ROBO2: variants seen among roughly 807,000 people sequenced by gnomAD.
The protein encoded by ROBO2 is roundabout guidance receptor 2.
A neutral mutation model predicts 160.8 loss-of-function variants in ROBO2; 53 were observed. The observed-to-expected ratio is 0.33, with a 90% CI of 0.26 to 0.41. ROBO2 has a LOEUF of 0.41. Ranked by LOEUF, ROBO2 falls within the 10% of genes least tolerant of loss-of-function variation. The probability of loss-of-function intolerance (pLI) is 1.00; values close to 1 mark genes in which losing one functional copy is unlikely to be tolerated. For synonymous variants in ROBO2, 664 were observed against 611.7 expected (o/e 1.09, Z -1.26); for missense variants, 1,577 against 1,722.4 (o/e 0.92, Z 1.49).
intron 2 of ROBO2, among the ~76,000 whole-genome samples, chr3:77,171,180 A>G (rs2079596945): frequency 6.6e-6 from 1 of 152,182 alleles, no homozygotes; most frequent in African/African-American, 2.4e-5. Flanking sequence ...CAGTGATGGG[A>G]CATTGCCTGC....
intron 2 of ROBO2, among the ~76,000 whole-genome samples, chr3:76,861,064 C>T (rs1249409178): frequency 1.3e-5 from 2 of 152,156 alleles, no homozygotes; most frequent in Non-Finnish European, 2.9e-5. Context: ...ATCAAGCCCT[C>T]TTCCCTCTGC....
At chr3:77,609,489 T>C (rs2094584799) in intron 21 of ROBO2, among the ~76,000 whole-genome samples, 1 of 152,034 alleles carries the variant, frequency 6.6e-6, no homozygotes, top group South Asian at 2.1e-4. Context: ...AAGCTTTATA[T>C]GCATAAAGTC....
Position 76,693,191 on chromosome 3 carries a change from G to GTA in ROBO2, c.110-404814_110-404813dup, listed in dbSNP as rs1223416562. On this transcript the variant is annotated intron_variant, in intron 2 of 26. Transcript: ENST00000487694. ...TATATATAGTGTATCTATATATAGTGTATATATATAGTGTACATACACATA... is the reference window on the plus strand; with the variant it reads ...TATATATAGTGTATCTATATATAGTGTATATATATATAGTGTACATACACATA... Among the ~76,000 whole-genome samples, 13 of 147,650 alleles carry GTA rather than the reference G, an allele frequency of 8.8e-5. 1 individual carries two copies. The highest frequency in any genetic ancestry group is 6.8e-4 in the Admixed American group (10 of 14,692).
intron 6 of ROBO2, among the ~76,000 whole-genome samples, chr3:77,541,793 A>G (rs998816835): frequency 3.3e-5 from 5 of 152,224 alleles, no homozygotes; most frequent in African/African-American, 9.6e-5. Context: ...TAGACAGAAT[A>G]TAAGTATATA....
At chr3:76,307,833 G>T (rs140700011) in intron 2 of ROBO2, among the ~76,000 whole-genome samples, 26 of 152,072 alleles carry the variant, frequency 1.7e-4, no homozygotes, top group South Asian at 1.7e-3. Context: ...AACCTCTAAA[G>T]CACTTAAAAC....
chr3:75,910,108 A>G (rs545930247), intron 1 of ROBO2, among the ~76,000 whole-genome samples: 1 of 152,334 alleles, frequency 6.6e-6, no homozygotes, highest in East Asian at 1.9e-4. Flanking sequence ...CAGTTAGTAC[A>G]GGGCTGCTCC....
At chr3:76,335,544 T>A (rs769975348) in intron 2 of ROBO2, among the ~76,000 whole-genome samples, 1 of 151,780 alleles carries the variant, frequency 6.6e-6, no homozygotes, top group Non-Finnish European at 1.5e-5. Context: ...TTCATTTTAA[T>A]TATAAAAAAT....
chr3:77,010,815 T>G (rs1041481976), intron 2 of ROBO2, among the ~76,000 whole-genome samples: 9 of 151,080 alleles, frequency 6.0e-5, no homozygotes, highest in African/African-American at 2.2e-4. Flanking sequence ...GTCTTTTTCT[T>G]TCTCTCCTTC....
rs368680389 is a variant in ROBO2 at position 76,156,725 on chromosome 3, T to C, written c.109+219123T>C. On this transcript the variant is annotated intron_variant, in intron 2 of 26. Coordinates refer to the ROBO2 transcript ENST00000487694. The stretch of plus-strand genomic sequence containing the variant: ...GCTCGCGCCTGTAATCCCAGCACTG[T>C]GGGAGGCCAAGGTGGGCGGATCACC... Among the ~76,000 whole-genome samples, 15 of 152,322 alleles carry C rather than the reference T, an allele frequency of 9.8e-5. No homozygotes were observed. In the East Asian group the frequency reaches 2.9e-3, roughly 29 times the overall value.
Position 76,057,409 on chromosome 3 carries a change from C to T in ROBO2, c.109+119807C>T, listed in dbSNP as rs543171886. On this transcript the variant is annotated intron_variant, in intron 2 of 26. Coordinates refer to the ROBO2 transcript ENST00000487694. ...TAGAATCTTCGGAAGGTTAGAAATACTTTAAAGGAGACAAGCATTCTCCTT... is the reference window on the plus strand; with the variant it reads ...TAGAATCTTCGGAAGGTTAGAAATATTTTAAAGGAGACAAGCATTCTCCTT... Among the ~76,000 whole-genome samples, 137 of 152,234 alleles carry T rather than the reference C, an allele frequency of 9.0e-4. No homozygotes were observed. The Middle Eastern group carries it at 0.01, about 11-fold the overall frequency.
At chr3:76,520,868 A>T (rs2107877840) in intron 2 of ROBO2, among the ~76,000 whole-genome samples, 1 of 152,282 alleles carries the variant, frequency 6.6e-6, no homozygotes, top group African/African-American at 2.4e-5. Flanking sequence ...GTCAGGCTTC[A>T]GAATGTAACC....
intron 2 of ROBO2, among the ~76,000 whole-genome samples, chr3:75,942,778 G>C (rs1279403775): frequency 1.3e-5 from 2 of 152,182 alleles, no homozygotes; most frequent in African/African-American, 4.8e-5. Flanking sequence ...AATACCAGTG[G>C]ATTTACTTTA....
At chr3:77,543,357 T>A (rs1176091146) in intron 6 of ROBO2, among the ~76,000 whole-genome samples, 1 of 152,198 alleles carries the variant, frequency 6.6e-6, no homozygotes, top group Non-Finnish European at 1.5e-5. Context: ...CCAGAATGTA[T>A]CATCATTTTT....
intron 1 of ROBO2, among the ~76,000 whole-genome samples, chr3:77,093,762 T>TTCTC (rs556680245): frequency 6.6e-6 from 1 of 151,498 alleles, no homozygotes; most frequent in South Asian, 2.1e-4. Flanking sequence ...TAATCTATCT[T>TTCTC]TCTCTCTCTC....
intron 2 of ROBO2, among the ~76,000 whole-genome samples, chr3:75,961,632 C>T (rs1948913409): frequency 6.6e-6 from 1 of 151,556 alleles, no homozygotes; most frequent in South Asian, 2.1e-4. Flanking sequence ...GAAAAGAGAA[C>T]AGAGCAGATA....
At chr3:76,734,609 G>A (rs1446886216) in intron 2 of ROBO2, among the ~76,000 whole-genome samples, 5 of 152,196 alleles carry the variant, frequency 3.3e-5, no homozygotes, top group East Asian at 1.9e-4. Context: ...GACCGCCTTG[G>A]CTCAGGTCTA....
intron 2 of ROBO2, among the ~76,000 whole-genome samples, chr3:77,018,649 G>A (rs1018989348): frequency 6.6e-6 from 1 of 151,990 alleles, no homozygotes; most frequent in Admixed American, 6.6e-5. Context: ...TTGTTATAAG[G>A]TTTTGGAACC....
At chr3:76,319,186 T>C (rs1486510061) in intron 2 of ROBO2, among the ~76,000 whole-genome samples, 2 of 152,100 alleles carry the variant, frequency 1.3e-5, no homozygotes, top group Non-Finnish European at 1.5e-5. Flanking sequence ...AAGTAGAATT[T>C]AAGAAATGAA....
At chr3:75,971,724 G>A (rs2065000361) in intron 2 of ROBO2, among the ~76,000 whole-genome samples, 1 of 151,412 alleles carries the variant, frequency 6.6e-6, no homozygotes, top group Non-Finnish European at 1.5e-5. Context: ...GGCTAAATCA[G>A]AGGGCAATAC....
Sources: gnomAD v4.1 joint callset for allele counts (sites outside exome capture counted in the v4.1 genomes callset) on GRCh38, gnomAD v4.1.1 for gene constraint, MANE v1.5 for transcripts, NCBI Gene and HGNC (gene_info 2026-07-23, HGNC 2026-07-21) for gene names.